Variants in ELMO2 observed in about 807,000 individuals in gnomAD.
ELMO2 encodes the protein engulfment and cell motility protein 2.
Under a neutral mutation model 96.2 loss-of-function variants are expected in ELMO2, and 37 were observed. That is an observed-to-expected ratio of 0.38 (90% CI 0.30 to 0.51). The LOEUF (loss-of-function observed/expected upper bound fraction) is 0.51, where lower values mean the gene tolerates loss of function less well. ELMO2 is among the 20% of genes least tolerant of loss of function. ELMO2 has a pLI of 0.88. For missense variants in ELMO2, 561 were observed against 912.6 expected (o/e 0.61, Z 4.96); for synonymous variants, 315 against 329.4 (o/e 0.96, Z 0.47).
chr20:46,401,102 T>C (rs1032362255), intron 1 of ELMO2, among the ~76,000 whole-genome samples: 1 of 152,244 alleles, frequency 6.6e-6, no homozygotes, highest in Admixed American at 6.5e-5. Flanking sequence ...GTTTGGTTTA[T>C]GTTTCCTGCA....
At chr20:46,376,888 T>G in intron 11 of ELMO2, 1 of 1,171,636 alleles carries the variant, frequency 8.5e-7, no homozygotes, top group Non-Finnish European at 1.1e-6. Context: ...TTAAAACAAA[T>G]TTAAGTTGAA....
intron 11 of ELMO2, among the ~76,000 whole-genome samples, chr20:46,377,517 A>G (rs2059883877): frequency 6.6e-6 from 1 of 152,356 alleles, no homozygotes; most frequent in African/African-American, 2.4e-5. Context: ...TACAGCAGCC[A>G]TGAGCCACAT....
In ELMO2 at chr20:46,375,450, C is replaced by T. The variant is rs2059839347; in HGVS notation, c.931-80G>A. On this transcript the variant is annotated intron_variant, in intron 12 of 21. Coordinates refer to ENST00000290246, the MANE Select transcript of ELMO2 (RefSeq NM_133171.5). The surrounding 1 kb of genome is among the most constrained non-coding windows in gnomAD (Gnocchi z 4.6). The stretch of plus-strand genomic sequence containing the variant: ...AAAAGAAACAGTGGGTCAGGCTTTT[C>T]TGGGCCAAACTTTGGCCCCAATCAA... The T allele has an allele frequency of 6.4e-7, 1 of 1,563,754 alleles. No individual in the cohort carries two copies. Among genetic ancestry groups the T allele is most frequent in the East Asian group, 2.3e-5 (1 of 43,946 alleles).
At position 46,375,581 on chromosome 20, in the gene ELMO2, C is replaced by G; in HGVS notation, c.930+87G>C. The G allele has an allele frequency of 1.3e-6, 2 of 1,584,334 alleles. No individual in the cohort carries two copies. Among genetic ancestry groups the G allele is most frequent in the Non-Finnish European group, 1.7e-6 (2 of 1,160,394 alleles). On this transcript the variant is annotated intron_variant, in intron 12 of 21. Transcript: ENST00000290246. The surrounding 1 kb of genome is among the most constrained non-coding windows in gnomAD (Gnocchi z 4.6). ...GGCAGATGCAAACTACTTCTGCAGA[C>G]AAAGACCAAGCACAGTGCCTGGCAC... is the stretch of plus-strand genomic sequence containing the variant.
At chr20:46,369,095 G>T in intron 20 of ELMO2, 127 bp from the exon 21 acceptor site, 1 of 851,066 alleles carries the variant, frequency 1.2e-6, no homozygotes. Flanking sequence ...TGTCATCAAT[G>T]CTCCTAGGCG....
chr20:46,369,984 G>A (rs1230534414), intron 20 of ELMO2: 3 of 331,766 alleles, frequency 9.0e-6, no homozygotes, highest in East Asian at 1.8e-4. Context: ...GTGTGTGTGT[G>A]TGTGTGTGTG....
chr20:46,402,697 C>A, intron 1 of ELMO2, among the ~76,000 whole-genome samples: 1 of 152,188 alleles, frequency 6.6e-6, no homozygotes, highest in African/African-American at 2.4e-5. Flanking sequence ...AGGCCAAGCC[C>A]TTTCATTACA....
chr20:46,391,870 T>C (rs1308349068), intron 6 of ELMO2, among the ~76,000 whole-genome samples: 3 of 151,944 alleles, frequency 2.0e-5, no homozygotes, highest in African/African-American at 4.8e-5. Context: ...GTGAAACACA[T>C]GAATGCTTTA....
chr20:46,380,024 G>T (rs2059927472), intron 11 of ELMO2: 1 of 397,450 alleles, frequency 2.5e-6, no homozygotes, highest in South Asian at 5.0e-5. Flanking sequence ...AGCTGGCCTT[G>T]GTCCCTCCCT....
At chr20:46,385,627 T>G (rs185650608) in intron 9 of ELMO2, among the ~76,000 whole-genome samples, 1 of 152,318 alleles carries the variant, frequency 6.6e-6, no homozygotes, top group East Asian at 1.9e-4. Flanking sequence ...GTGTGATATT[T>G]CTTACAAATC....
chr20:46,389,557 A>G (rs2060114353), intron 6 of ELMO2, among the ~76,000 whole-genome samples: 1 of 152,196 alleles, frequency 6.6e-6, no homozygotes. Flanking sequence ...AAGGTTTTCT[A>G]TTTAAGCTGT....
chr20:46,389,129 G>A lies in ELMO2; in HGVS notation c.335C>T (p.Ala112Val). Residue 112 changes from alanine (A) to valine (V), a missense_variant, in exon 7 of 22, where the codon GCC (alanine) becomes GTC (valine). Ala to Val is a moderately conservative substitution (Grantham distance 64). Transcript: ENST00000290246. ...DAMKELAKLS[A>V]DVTFATEFIN... ...GAACTCAGTAGCGAAAGTCACGTCG[G>A]CAGAGAGCTTGGCCAGCTCCTTCAT... 6.2e-7 allele frequency: 1 copy of A among 1,614,162 alleles called. No individual in the cohort carries two copies. The highest frequency in any genetic ancestry group is 8.5e-7 in the Non-Finnish European group (1 of 1,180,012).
chr20:46,384,127 A>G (rs1296075115), intron 9 of ELMO2, among the ~76,000 whole-genome samples: 1 of 152,248 alleles, frequency 6.6e-6, no homozygotes, highest in East Asian at 1.9e-4. Context: ...AAATATGCAT[A>G]AAAATACTGA....
rs139488210 is a variant in ELMO2, at chr20:46,370,161, A to G, written c.1884+282T>C. 2,556 of 566,686 alleles carry G rather than the reference A, an allele frequency of 4.5e-3. 43 individuals are homozygous for G. The highest frequency in any genetic ancestry group is 3.6e-3 in the Non-Finnish European group (1,118 of 306,378). 35.1% of individuals were successfully genotyped at this position (566,686 alleles called of 1,614,324 possible). A position where few individuals can be genotyped will look rare whatever the true frequency, so the allele number is the denominator to read the frequency against. On this transcript the variant is annotated intron_variant, in intron 20 of 21. Transcript: ENST00000290246. ...TGGTGGCAATGTTATACACTATACGATGTACACTAAATATTTACAGATGAA... is the reference window on the plus strand; with the variant it reads ...TGGTGGCAATGTTATACACTATACGGTGTACACTAAATATTTACAGATGAA...
intron 5 of ELMO2, 24 bp from the exon 6 acceptor site, chr20:46,393,167 A>G: frequency 6.2e-7 from 1 of 1,609,852 alleles, no homozygotes; most frequent in Non-Finnish European, 8.5e-7. Context: ...AATAAACAAA[A>G]AAAGTAACTA....
chr20:46,374,530 C>A lies in ELMO2; in HGVS notation c.1170+6G>T. On this transcript the variant is annotated splice_donor_region_variant and intron_variant, in intron 14 of 21. Coordinates refer to ENST00000290246, the MANE Select transcript of ELMO2 (RefSeq NM_133171.5). ...GGACTGAGAAGGCCAGCTCCCCTGC[C>A]TTTACCCGGATGTAGGTGTCCTGGT... 2.5e-6 allele frequency: 4 copies of A among 1,614,116 alleles called. No individual in the cohort carries two copies. The highest frequency in any genetic ancestry group is 3.4e-6 in the Non-Finnish European group (4 of 1,179,958).
chr20:46,403,533 C>T (rs2060369772), intron 1 of ELMO2, among the ~76,000 whole-genome samples: 1 of 152,184 alleles, frequency 6.6e-6, no homozygotes, highest in South Asian at 2.1e-4. Flanking sequence ...AGTTTAAATC[C>T]AACATTTTTA....
At chr20:46,389,015 G>A (rs535887151) in intron 7 of ELMO2, 24 bp downstream of exon 7, 2 of 1,604,278 alleles carry the variant, frequency 1.2e-6, no homozygotes, top group South Asian at 1.1e-5. Context: ...GAAGTCCTTG[G>A]AACGAGACCT....
At chr20:46,374,288 G>C (rs764050665) in intron 15 of ELMO2, 44 bp downstream of exon 15, 12 of 1,520,880 alleles carry the variant, frequency 7.9e-6, no homozygotes, top group Admixed American at 1.7e-5. Context: ...CTGAGCTCTT[G>C]ATGACAAGGA....
Sources: allele counts gnomAD v4.1 joint callset (sites outside exome capture counted in the v4.1 genomes callset), GRCh38; gene constraint gnomAD v4.1.1; non-coding constraint Gnocchi (gnomAD v3.1); transcripts MANE v1.5; gene names NCBI Gene and HGNC (gene_info 2026-07-23, HGNC 2026-07-21).